The following MINDY2 variants were observed in gnomAD, a reference collection of about 807,000 sequenced individuals.
MINDY2 encodes the protein MINDY lysine 48 deubiquitinase 2, also known as ubiquitin carboxyl-terminal hydrolase MINDY-2.
Under a neutral mutation model 68.2 loss-of-function variants are expected in MINDY2, and 52 were observed. The observed-to-expected ratio is 0.76, with a 90% CI of 0.61 to 0.96. The LOEUF (loss-of-function observed/expected upper bound fraction) is 0.96, where lower values mean the gene tolerates loss of function less well. Ranked by LOEUF, MINDY2 falls within the 40% of genes least tolerant of loss-of-function variation. MINDY2 has a pLI of 0.00. For synonymous variants in MINDY2, 372 were observed against 303.0 expected (o/e 1.23, Z -2.36); for missense variants, 881 against 773.4 (o/e 1.14, Z -1.65).
rs188057226 is a variant in MINDY2 at position 58,794,583 on chromosome 15, G to A, written c.898+6620G>A. On this transcript the variant is annotated intron_variant, in intron 2 of 8. Coordinates refer to ENST00000559228, the MANE Select transcript of MINDY2 (RefSeq NM_001040450.3). ...AACTGCAACAAGGTGGGTAGATAAT[G>A]GGTAGAATTATCTGAGTTTTAAAAC... Among the ~76,000 whole-genome samples the A allele has an allele frequency of 1.5e-3, 225 of 152,154 alleles. 1 individual carries two copies. Among genetic ancestry groups the A allele is most frequent in the African/African-American group, 5.3e-3 (220 of 41,504 alleles).
At chr15:58,781,407 A>T (rs183636584) in intron 1 of MINDY2, among the ~76,000 whole-genome samples, 24 of 152,278 alleles carry the variant, frequency 1.6e-4, no homozygotes, top group Non-Finnish European at 1.3e-4. Context: ...TTATTGCTCT[A>T]AAACACTTTG....
chr15:58,837,351 T>C (rs1467629986), intron 6 of MINDY2, among the ~76,000 whole-genome samples: 5 of 152,042 alleles, frequency 3.3e-5, no homozygotes, highest in African/African-American at 4.8e-5. Context: ...GGCTGGACAG[T>C]CGCTTGAGGC....
At chr15:58,843,772 T>C (rs184392384) in intron 6 of MINDY2, among the ~76,000 whole-genome samples, 1 of 138,914 alleles carries the variant, frequency 7.2e-6, no homozygotes, top group Non-Finnish European at 1.5e-5. Flanking sequence ...AGGCGGAGTT[T>C]GCAGTGAGCC....
intron 6 of MINDY2, among the ~76,000 whole-genome samples, chr15:58,834,097 C>T (rs1043544996): frequency 6.6e-6 from 1 of 152,170 alleles, no homozygotes; most frequent in Admixed American, 6.5e-5. Flanking sequence ...ACAAAGCACA[C>T]CCTGCACAGC....
At chr15:58,808,639 C>T (rs1454458396) in intron 3 of MINDY2, among the ~76,000 whole-genome samples, 2 of 152,126 alleles carry the variant, frequency 1.3e-5, no homozygotes, top group Non-Finnish European at 2.9e-5. Context: ...GAGTCTCGCC[C>T]TGTCGCCCAG....
chr15:58,793,168 T>C (rs1902052602), intron 2 of MINDY2, among the ~76,000 whole-genome samples: 1 of 152,174 alleles, frequency 6.6e-6, no homozygotes, highest in South Asian at 2.1e-4. Context: ...AATTAGATCA[T>C]GGGACTGGCA....
At chr15:58,819,655 G>A (rs1292728435) in intron 4 of MINDY2, among the ~76,000 whole-genome samples, 1 of 152,112 alleles carries the variant, frequency 6.6e-6, no homozygotes, top group East Asian at 1.9e-4. Context: ...ACTTAGTGTA[G>A]CTATATTTTT....
chr15:58,777,181 T>G, intron 1 of MINDY2, among the ~76,000 whole-genome samples: 1 of 152,186 alleles, frequency 6.6e-6, no homozygotes, highest in East Asian at 1.9e-4. Context: ...CTAGTTCGCT[T>G]ATGTCCGGAA....
chr15:58,791,654 G>A (rs1409798605), intron 2 of MINDY2, among the ~76,000 whole-genome samples: 2 of 142,340 alleles, frequency 1.4e-5, no homozygotes, highest in African/African-American at 6.0e-5. Context: ...GTGTGTGTGT[G>A]TGTGTGTATG....
intron 4 of MINDY2, among the ~76,000 whole-genome samples, chr15:58,813,931 C>CTTTTT (rs60131191): frequency 1.2e-4 from 15 of 126,968 alleles, no homozygotes; most frequent in Non-Finnish European, 2.0e-4. Context: ...ACTTGCATTT[C>CTTTTT]TTTTTTTTTT....
At chr15:58,829,036 A>G (rs1056419657) in intron 5 of MINDY2, among the ~76,000 whole-genome samples, 15 of 152,192 alleles carry the variant, frequency 9.9e-5, no homozygotes, top group African/African-American at 3.6e-4. Flanking sequence ...AAACTGGATT[A>G]TTTGAATCAA....
intron 6 of MINDY2, among the ~76,000 whole-genome samples, chr15:58,846,838 T>C (rs1456298236): frequency 2.6e-4 from 40 of 151,374 alleles, no homozygotes; most frequent in Admixed American, 2.6e-3. Flanking sequence ...CAAAGTATTA[T>C]TGGTGTATAA....
chr15:58,816,603 G>T (rs1478012121), intron 4 of MINDY2, among the ~76,000 whole-genome samples: 5 of 151,968 alleles, frequency 3.3e-5, no homozygotes, highest in African/African-American at 1.2e-4. Context: ...TTGTAATTAA[G>T]AATTAAACCA....
rs139405416 is a variant in MINDY2 at position 58,809,523 on chromosome 15, C to T, written c.964-707C>T. On this transcript the variant is annotated intron_variant, in intron 3 of 8. Transcript: ENST00000559228. ...GAATTATGAATAATGTTGCAATGAGCGTGGGTGTACAACTATCTCTTCAAG... is the reference window on the plus strand; with the variant it reads ...GAATTATGAATAATGTTGCAATGAGTGTGGGTGTACAACTATCTCTTCAAG... Among the ~76,000 whole-genome samples the T allele has an allele frequency of 1.9e-3, 286 of 152,112 alleles. 1 individual carries two copies. The highest frequency in any genetic ancestry group is 2.3e-3 in the Non-Finnish European group (155 of 68,012).
chr15:58,831,041 G>GTATCTATATATATATATATATATATATA (rs2031696632), intron 5 of MINDY2, among the ~76,000 whole-genome samples: 1 of 124,904 alleles, frequency 8.0e-6, no homozygotes, highest in Non-Finnish European at 1.6e-5. Context: ...GTGTGTGTGT[G>GTATCTATATATATATATATATATATATA]TATATATATA....
At chr15:58,852,271 G>A (rs1015356685) in intron 8 of MINDY2, among the ~76,000 whole-genome samples, 19 of 62,046 alleles carry the variant, frequency 3.1e-4, no homozygotes, top group African/African-American at 1.1e-3. Flanking sequence ...CAGGATGATA[G>A]AGCAAGACTC....
chr15:58,830,866 T>G (rs1369646795), intron 5 of MINDY2, among the ~76,000 whole-genome samples: 1 of 152,020 alleles, frequency 6.6e-6, no homozygotes, highest in Non-Finnish European at 1.5e-5. Flanking sequence ...ATTGGGCCAC[T>G]CAGAATTTTC....
intron 6 of MINDY2, among the ~76,000 whole-genome samples, chr15:58,837,315 G>T (rs746077983): frequency 3.9e-5 from 6 of 152,104 alleles, no homozygotes; most frequent in Admixed American, 6.5e-5. Flanking sequence ...GCTCATGTGT[G>T]TAATCCTAGC....
chr15:58,852,947 T>G (rs1231132297), intron 8 of MINDY2, among the ~76,000 whole-genome samples: 10,249 of 37,322 alleles, frequency 0.27, 1,217 homozygotes, highest in South Asian at 0.5. Context: ...TTTTTTTTTT[T>G]TTTTTTTTTT....
Sources: allele counts gnomAD v4.1 joint callset (sites outside exome capture counted in the v4.1 genomes callset), GRCh38; gene constraint gnomAD v4.1.1; transcripts MANE v1.5; gene names NCBI Gene and HGNC (gene_info 2026-07-23, HGNC 2026-07-21).